Variants in SASH1 observed in about 807,000 individuals in gnomAD.
SASH1 encodes SAM and SH3 domain-containing protein 1.
Under a neutral mutation model 125.2 loss-of-function variants are expected in SASH1, and 44 were observed. The observed-to-expected ratio is 0.35, with a 90% confidence interval of 0.28 to 0.45. SASH1 has a LOEUF of 0.45. SASH1 is among the 20% of genes least tolerant of loss of function. The pLI is 1.00. For synonymous variants in SASH1, 639 were observed against 649.1 expected (o/e 0.98, Z 0.24); for missense variants, 1,426 against 1,614.5 (o/e 0.88, Z 2.00).
intron 8 of SASH1, among the ~76,000 whole-genome samples, chr6:148,506,523 CTCCAG>C (rs1779811716): frequency 6.6e-6 from 1 of 152,084 alleles, no homozygotes; most frequent in Non-Finnish European, 1.5e-5. Flanking sequence ...CCTTATTGAA[CTCCAG>C]TTCAGTAAGG....
the SASH1 span, among the ~76,000 whole-genome samples, chr6:148,254,082 C>T: frequency 1.2e-3 from 181 of 151,970 alleles, 1 homozygote; most frequent in African/African-American, 4.2e-3. Context: ...TGGCGTGCAC[C>T]TGTAATCCCA....
intron 2 of SASH1, among the ~76,000 whole-genome samples, chr6:148,398,573 G>T (rs979434977): frequency 2.0e-5 from 3 of 152,140 alleles, no homozygotes; most frequent in Non-Finnish European, 4.4e-5. Flanking sequence ...GACTTATGTC[G>T]TCCCTGAATT....
chr6:148,537,816 G>GTGTGTGTGTGTT, intron 16 of SASH1, among the ~76,000 whole-genome samples: 1 of 138,286 alleles, frequency 7.2e-6, no homozygotes, highest in East Asian at 2.0e-4. Flanking sequence ...GTGTGTGTGT[G>GTGTGTGTGTGTT]TGTGTGTGTG....
At chr6:148,219,101 G>T in the SASH1 span, among the ~76,000 whole-genome samples, 1 of 152,114 alleles carries the variant, frequency 6.6e-6, no homozygotes, top group Non-Finnish European at 1.5e-5. Context: ...ACATGCCCAC[G>T]CAGCATCCTC....
intron 1 of SASH1, among the ~76,000 whole-genome samples, chr6:148,379,217 C>G (rs1045531030): frequency 3.9e-5 from 6 of 152,158 alleles, no homozygotes; most frequent in African/African-American, 1.2e-4. Flanking sequence ...TGGGTTTCTT[C>G]CTGTCTCTCC....
intron 1 of SASH1, among the ~76,000 whole-genome samples, chr6:148,333,584 T>G (rs1309280744): frequency 1.3e-5 from 2 of 151,234 alleles, no homozygotes; most frequent in African/African-American, 4.8e-5. Context: ...GTTGTTGAGA[T>G]GGAGTCTTAC....
At chr6:148,274,579 G>A (rs1353844698) in intron 1 of SASH1, among the ~76,000 whole-genome samples, 1 of 152,164 alleles carries the variant, frequency 6.6e-6, no homozygotes, top group African/African-American at 2.4e-5. Context: ...GATCAACTCA[G>A]ACAGAAAGGG....
At chr6:148,387,592 C>G (rs531480075) in intron 1 of SASH1, among the ~76,000 whole-genome samples, 2 of 8,576 alleles carry the variant, frequency 2.3e-4, no homozygotes, top group Non-Finnish European at 4.3e-4. Context: ...TTCTTTCTTT[C>G]TTTCTTTCTT....
the SASH1 span, among the ~76,000 whole-genome samples, chr6:148,196,951 T>G: frequency 6.6e-6 from 1 of 152,146 alleles, no homozygotes; most frequent in Admixed American, 6.6e-5. Flanking sequence ...GAAACGCCTC[T>G]GGTGACAGGA....
intron 4 of SASH1, among the ~76,000 whole-genome samples, chr6:148,454,954 C>T (rs1562425073): frequency 6.6e-6 from 1 of 152,326 alleles, no homozygotes; most frequent in East Asian, 1.9e-4. Context: ...TAAAACCTTA[C>T]AAGTCAGGAT....
chr6:148,452,974 T>C (rs1042913430), intron 4 of SASH1, among the ~76,000 whole-genome samples: 4 of 152,252 alleles, frequency 2.6e-5, no homozygotes, highest in Non-Finnish European at 4.4e-5. Flanking sequence ...TCCACACGTG[T>C]GTGTGCACGC....
intron 1 of SASH1, among the ~76,000 whole-genome samples, chr6:148,274,392 T>C (rs769441161): frequency 6.6e-6 from 1 of 152,198 alleles, no homozygotes; most frequent in Non-Finnish European, 1.5e-5. Flanking sequence ...CTCTGGTCCC[T>C]CTTGACTGGT....
intron 2 of SASH1, among the ~76,000 whole-genome samples, chr6:148,437,681 T>C (rs1175512695): frequency 6.6e-6 from 1 of 152,230 alleles, no homozygotes; most frequent in East Asian, 1.9e-4. Context: ...GAATAGCCAC[T>C]ACACTCCAGT....
intron 1 of SASH1, among the ~76,000 whole-genome samples, chr6:148,315,650 T>A (rs1455019282): frequency 6.6e-6 from 1 of 152,174 alleles, no homozygotes; most frequent in Non-Finnish European, 1.5e-5. Context: ...CTGCCTGTAA[T>A]CTCAGTACTT....
chr6:148,328,082 G>A (rs1033899569), intron 1 of SASH1, among the ~76,000 whole-genome samples: 1 of 152,258 alleles, frequency 6.6e-6, no homozygotes, highest in Non-Finnish European at 1.5e-5. Context: ...CTAGGCTGAA[G>A]TGCGGTGACT....
intron 2 of SASH1, among the ~76,000 whole-genome samples, chr6:148,435,131 A>T (rs1197706841): frequency 1.3e-5 from 2 of 152,108 alleles, no homozygotes; most frequent in African/African-American, 4.8e-5. Context: ...GGGAGGCCGA[A>T]GTGGATGGAT....
intron 6 of SASH1, among the ~76,000 whole-genome samples, chr6:148,473,868 G>T (rs1405725143): frequency 6.6e-6 from 1 of 152,112 alleles, no homozygotes. Context: ...TGATCATCTT[G>T]AAGGATTTGT....
chr6:148,407,621 T>C (rs924899643), intron 2 of SASH1, among the ~76,000 whole-genome samples: 3 of 152,136 alleles, frequency 2.0e-5, no homozygotes, highest in Admixed American at 1.3e-4. Context: ...GATCTGGCAG[T>C]TCTACTTTTA....
intron 2 of SASH1, among the ~76,000 whole-genome samples, chr6:148,410,368 C>T (rs1047092462): frequency 2.6e-5 from 4 of 151,950 alleles, no homozygotes; most frequent in Non-Finnish European, 5.9e-5. Context: ...CTCGGCCTCC[C>T]AACAGAGCAG....
Sources: gnomAD v4.1 joint callset for allele counts (sites outside exome capture counted in the v4.1 genomes callset) on GRCh38, gnomAD v4.1.1 for gene constraint, MANE v1.5 for transcripts, NCBI Gene and HGNC (gene_info 2026-07-23, HGNC 2026-07-21) for gene names.